The following AVL9 variants were observed in gnomAD, a reference collection of about 807,000 sequenced individuals.
The protein encoded by AVL9 is late secretory pathway protein AVL9 homolog.
In AVL9, 49 loss-of-function variants were observed where a neutral mutation model predicts 79.2. That is an observed-to-expected ratio of 0.62 (90% CI 0.49 to 0.79). The LOEUF (loss-of-function observed/expected upper bound fraction) is 0.79, where lower values mean the gene tolerates loss of function less well. Among genes scored for constraint, AVL9 ranks in the 30% least tolerant of loss-of-function variants. AVL9 has a pLI of 0.00. For synonymous variants in AVL9, 299 were observed against 280.6 expected (o/e 1.07, Z -0.65); for missense variants, 682 against 776.8 (o/e 0.88, Z 1.45).
Position 32,586,469 on chromosome 7 carries a change from C to CAA in AVL9, c.*2562_*2563insAA, listed in dbSNP as rs67037834. On this transcript the variant is annotated 3_prime_UTR_variant, in exon 16 of 16. Coordinates refer to ENST00000318709, the MANE Select transcript of AVL9 (RefSeq NM_015060.3). ...TCACCCCTGGTCCTGTGACCCCCCC[C>CAA]CCCCACACACACACATACTTCAGGC... 7.4e-6 allele frequency: 1 copy of CAA among 135,216 alleles called. No homozygotes were observed. Among genetic ancestry groups the CAA allele is most frequent in the Non-Finnish European group, 1.6e-5 (1 of 62,074 alleles). The allele number at this position is 135,216 out of a possible 1,614,324, so 8.4% of individuals were successfully genotyped here.
chr7:32,553,619 CTACTT>C, intron 6 of AVL9, 103 bp from the exon 7 acceptor site: 2 of 695,070 alleles, frequency 2.9e-6, no homozygotes, highest in Non-Finnish European at 4.7e-6. Flanking sequence ...TTGCATATTC[CTACTT>C]TTTTTTTTTT....
intron 10 of AVL9, among the ~76,000 whole-genome samples, chr7:32,564,111 GT>G (rs1225781508): frequency 6.6e-6 from 1 of 152,100 alleles, no homozygotes; most frequent in Non-Finnish European, 1.5e-5. Flanking sequence ...AGGGATTTAG[GT>G]TTTGTCAGGT....
At chr7:32,546,604 C>G (rs1051635013) in intron 3 of AVL9, among the ~76,000 whole-genome samples, 4 of 151,998 alleles carry the variant, frequency 2.6e-5, no homozygotes, top group African/African-American at 9.7e-5. Flanking sequence ...GGGCGGATCA[C>G]GAAGTTAGGA....
chr7:32,572,801 C>CAAAAAAAAAAAAAAAAAAA lies in AVL9; in HGVS notation c.1351-382_1351-381insAAAAAAAAAAAAAAAAAAA, dbSNP rs3080635. On this transcript the variant is annotated intron_variant, in intron 11 of 15. Coordinates refer to ENST00000318709, the MANE Select transcript of AVL9 (RefSeq NM_015060.3). ...TGGGCGACAGAGCAAGACTCCGTCT[C>CAAAAAAAAAAAAAAAAAAA]AAAAAAAAAAAAAAAAGAATATTCT... Among the ~76,000 whole-genome samples, 79 of 93,400 alleles carry CAAAAAAAAAAAAAAAAAAA rather than the reference C, an allele frequency of 8.5e-4. 4 individuals carry two copies. Among genetic ancestry groups the CAAAAAAAAAAAAAAAAAAA allele is most frequent in the African/African-American group, 3.6e-3 (72 of 19,830 alleles). 61.3% of individuals were successfully genotyped at this position (93,400 alleles called of 152,430 possible).
chr7:32,573,043 C>T (rs1264264185), intron 11 of AVL9, among the ~76,000 whole-genome samples, 156 bp from the exon 12 acceptor site: 1 of 152,030 alleles, frequency 6.6e-6, no homozygotes, highest in East Asian at 1.9e-4. Flanking sequence ...AAGAAAACTT[C>T]AGTGTACAAA....
At chr7:32,569,154 TAA>T (rs1370513239) in intron 10 of AVL9, among the ~76,000 whole-genome samples, 2 of 152,212 alleles carry the variant, frequency 1.3e-5, no homozygotes, top group Non-Finnish European at 2.9e-5. Context: ...TTCTGTGTTT[TAA>T]AAAGTGATGA....
At chr7:32,579,943 A>G (rs1178518281) in intron 13 of AVL9, among the ~76,000 whole-genome samples, 1 of 151,976 alleles carries the variant, frequency 6.6e-6, no homozygotes, top group African/African-American at 2.4e-5. Context: ...TTAGAATGTC[A>G]GGATAGCACT....
intron 1 of AVL9, chr7:32,532,584 CATT>C (rs1252103974): frequency 6.6e-6 from 1 of 152,132 alleles, no homozygotes; most frequent in Non-Finnish European, 1.5e-5. Flanking sequence ...TTAAAATACA[CATT>C]ATCTATTTTC....
Position 32,514,608 on chromosome 7 carries a change from G to A in AVL9, c.93+18806G>A, listed in dbSNP as rs542659957. Among the ~76,000 whole-genome samples, 54 of 152,260 alleles carry A rather than the reference G, an allele frequency of 3.5e-4. 1 individual carries two copies. In the South Asian group the frequency reaches 5.6e-3, roughly 16 times the overall value. On this transcript the variant is annotated intron_variant, in intron 1 of 15. Transcript: ENST00000318709. ...TAAATGGCCGGTCCTTGCCTTAACC[G>A]ATGACATTCCCCCACAAAAGAAGTG...
intron 13 of AVL9, among the ~76,000 whole-genome samples, chr7:32,576,538 C>T (rs1018812504): frequency 1.3e-5 from 2 of 152,170 alleles, no homozygotes; most frequent in Non-Finnish European, 2.9e-5. Flanking sequence ...AATCCCAACA[C>T]TTTGGGAGGC....
Position 32,587,987 on chromosome 7 carries a change from G to A in AVL9, c.*4080G>A, listed in dbSNP as rs1294512578. 6.6e-6 allele frequency: 1 copy of A among 152,174 alleles called. No individual in the cohort carries two copies. Among genetic ancestry groups the A allele is most frequent in the Non-Finnish European group, 1.5e-5 (1 of 68,036 alleles). The allele number at this position is 152,174 out of a possible 1,614,324, so 9.4% of individuals were successfully genotyped here. On this transcript the variant is annotated 3_prime_UTR_variant, in exon 16 of 16. Transcript: ENST00000318709. ...ACTCCAAAGTTAAAAAATTGTGCAT[G>A]TCTGAGGGGTTGAATATATTTTGTA...
intron 2 of AVL9, among the ~76,000 whole-genome samples, chr7:32,543,924 T>C (rs1026542438): frequency 1.3e-5 from 2 of 149,218 alleles, no homozygotes; most frequent in Non-Finnish European, 3.0e-5. Context: ...TTTTTTTTTT[T>C]TGGAGATGGA....
intron 10 of AVL9, chr7:32,560,083 C>T (rs1456785825): frequency 6.6e-6 from 1 of 151,950 alleles, no homozygotes; most frequent in African/African-American, 2.4e-5. Flanking sequence ...TGTGGTAACT[C>T]GCGCCTGTGG....
chr7:32,564,237 C>T (rs1238303583), intron 10 of AVL9, among the ~76,000 whole-genome samples: 2 of 152,214 alleles, frequency 1.3e-5, no homozygotes, highest in South Asian at 2.1e-4. Flanking sequence ...GATGGGCTTA[C>T]TAACATCCCT....
At chr7:32,553,128 T>G (rs17161408) in intron 6 of AVL9, among the ~76,000 whole-genome samples, 4,517 of 152,344 alleles carry the variant, frequency 0.03, 215 homozygotes, top group African/African-American at 0.1. Context: ...TAATGTAAAC[T>G]ATTATTCTGC....
At chr7:32,538,243 A>G (rs1789005589) in intron 1 of AVL9, 2 of 152,212 alleles carry the variant, frequency 1.3e-5, no homozygotes, top group South Asian at 2.1e-4. Flanking sequence ...ATAGATTTCT[A>G]CACCTGCCCT....
chr7:32,553,774 T>A lies in AVL9; in HGVS notation c.570+7T>A, dbSNP rs1789944431. ...CCTTCATTTTCGACACAAGGTATGG[T>A]ACCTTATTTAAATAAATTTATGATG... is the stretch of plus-strand genomic sequence containing the variant. On this transcript the variant is annotated splice_region_variant and intron_variant, in intron 7 of 15. Transcript: ENST00000318709. 1 of 1,603,306 alleles carries A rather than the reference T, an allele frequency of 6.2e-7. No individual in the cohort carries two copies. The highest frequency in any genetic ancestry group is 1.7e-5 in the Admixed American group (1 of 59,836).
intron 4 of AVL9, among the ~76,000 whole-genome samples, chr7:32,549,680 C>T (rs911354747): frequency 6.6e-6 from 1 of 151,236 alleles, no homozygotes; most frequent in Non-Finnish European, 1.5e-5. Flanking sequence ...TTTGGAAGGC[C>T]GAGGTGGGCG....
chr7:32,558,801 T>C, intron 9 of AVL9, 128 bp from the exon 10 acceptor site: 1 of 1,073,494 alleles, frequency 9.3e-7, no homozygotes, highest in Non-Finnish European at 1.3e-6. Flanking sequence ...TTCTGTTCTT[T>C]TTGTTTTTAA....
Sources: gnomAD v4.1 joint callset for allele counts (sites outside exome capture counted in the v4.1 genomes callset) on GRCh38, gnomAD v4.1.1 for gene constraint, MANE v1.5 for transcripts, NCBI Gene and HGNC (gene_info 2026-07-23, HGNC 2026-07-21) for gene names.